NDST4: variants seen among roughly 807,000 people sequenced by gnomAD.
The protein encoded by NDST4 is N-heparan sulfate sulfotransferase 4.
A neutral mutation model predicts 100.8 loss-of-function variants in NDST4; 63 were observed. That is an observed-to-expected ratio of 0.62 (90% confidence interval 0.51 to 0.77). The LOEUF (loss-of-function observed/expected upper bound fraction) is 0.77, where lower values mean the gene tolerates loss of function less well. Ranked by LOEUF, NDST4 falls within the 30% of genes least tolerant of loss-of-function variation. NDST4 has a pLI of 0.00. For missense variants in NDST4, 943 were observed against 1,018.4 expected, an observed-to-expected ratio of 0.93 and a Z score of 1.01; for synonymous variants, 377 against 361.8, an observed-to-expected ratio of 1.04 and a Z score of -0.48.
At chr4:114,956,782 C>A (rs1351541180) in intron 4 of NDST4, among the ~76,000 whole-genome samples, 1 of 151,986 alleles carries the variant, frequency 6.6e-6, no homozygotes, top group Non-Finnish European at 1.5e-5. Flanking sequence ...TCCAGCCATT[C>A]CATTTAAAAA....
chr4:115,087,209 A>C lies in NDST4; in HGVS notation c.-246-9927T>G, dbSNP rs1028049288. ...TCTGTCTCATTTTGTATAGATTTGG[A>C]GGTAATATTTACAATGGGACATTTA... On this transcript the variant is annotated intron_variant, in intron 1 of 13. Coordinates refer to ENST00000264363, the MANE Select transcript of NDST4 (RefSeq NM_022569.3). 2.7e-5 allele frequency among the ~76,000 whole-genome samples: 4 copies of C among 150,654 alleles called. No individual in the cohort carries two copies. The South Asian group carries it at 8.3e-4, about 31-fold the overall frequency.
At chr4:114,988,963 A>C (rs1207442779) in intron 2 of NDST4, among the ~76,000 whole-genome samples, 1 of 152,204 alleles carries the variant, frequency 6.6e-6, no homozygotes, top group Non-Finnish European at 1.5e-5. Context: ...TTTACTTGGC[A>C]GATAAATCTT....
chr4:115,027,971 T>C (rs1009857445), intron 2 of NDST4, among the ~76,000 whole-genome samples: 2 of 151,930 alleles, frequency 1.3e-5, no homozygotes, highest in Non-Finnish European at 2.9e-5. Flanking sequence ...GAGAATCTCT[T>C]GAACCCAGCA....
intron 6 of NDST4, among the ~76,000 whole-genome samples, chr4:114,918,291 C>A (rs1725216406): frequency 6.7e-6 from 1 of 150,036 alleles, no homozygotes; most frequent in Non-Finnish European, 1.5e-5. Context: ...AAGGAGCAAT[C>A]ATGTACTGTG....
At chr4:114,860,754 G>A (rs1439943425) in intron 7 of NDST4, among the ~76,000 whole-genome samples, 1 of 152,192 alleles carries the variant, frequency 6.6e-6, no homozygotes, top group African/African-American at 2.4e-5. Flanking sequence ...CATAATTACA[G>A]CAACATCACC....
chr4:114,913,732 A>T (rs1009622245), intron 6 of NDST4, among the ~76,000 whole-genome samples: 6 of 21,136 alleles, frequency 2.8e-4, no homozygotes, highest in Admixed American at 8.1e-4. Flanking sequence ...TATCTCCAAG[A>T]AAAAAAAAAA....
rs538265522 is a variant in NDST4 at position 114,939,405 on chromosome 4, A to T, written c.1222-1902T>A. ...AAGTGATTCATACTGAGGTTTTATA[A>T]GGCTTGTCCCACAATGTGAAAAGTG... On this transcript the variant is annotated intron_variant, in intron 4 of 13. Coordinates refer to ENST00000264363, the MANE Select transcript of NDST4 (RefSeq NM_022569.3). Among the ~76,000 whole-genome samples the T allele has an allele frequency of 1.2e-3, 188 of 152,268 alleles. 1 individual carries two copies. Among genetic ancestry groups the T allele is most frequent in the South Asian group, 0.01 (49 of 4,828 alleles).
chr4:114,933,167 A>G (rs548264700), intron 6 of NDST4, among the ~76,000 whole-genome samples: 2 of 152,236 alleles, frequency 1.3e-5, no homozygotes, highest in Admixed American at 6.5e-5. Flanking sequence ...AAATAAATCT[A>G]TGCACTTACA....
intron 6 of NDST4, among the ~76,000 whole-genome samples, chr4:114,892,016 T>C (rs1273004832): frequency 6.6e-6 from 1 of 152,146 alleles, no homozygotes. Context: ...GGCTGCACCA[T>C]ACACACTGTT....
chr4:115,015,399 A>G (rs1483622483), intron 2 of NDST4, among the ~76,000 whole-genome samples: 4 of 152,122 alleles, frequency 2.6e-5, no homozygotes, highest in African/African-American at 9.7e-5. Context: ...TCCAACTGGC[A>G]GAACTTCAAA....
intron 4 of NDST4, among the ~76,000 whole-genome samples, chr4:114,954,051 A>C (rs1276901244): frequency 1.8e-4 from 27 of 152,142 alleles, no homozygotes; most frequent in Non-Finnish European, 4.4e-5. Context: ...TACTGATCAC[A>C]AATTTCCAAT....
intron 3 of NDST4, 148 bp downstream of exon 3, chr4:114,977,039 T>C: frequency 1.7e-6 from 1 of 602,898 alleles, no homozygotes; most frequent in Middle Eastern, 3.3e-4. Context: ...GTAAATATGC[T>C]CATTGATTTT....
chr4:114,881,810 T>C (rs1724375942), intron 6 of NDST4, among the ~76,000 whole-genome samples: 1 of 152,200 alleles, frequency 6.6e-6, no homozygotes, highest in South Asian at 2.1e-4. Flanking sequence ...AGCTTCAATC[T>C]TCTAAAATAG....
intron 1 of NDST4, among the ~76,000 whole-genome samples, chr4:115,102,671 G>A (rs13131643): frequency 0.77 from 112,635 of 145,708 alleles, 44,189 homozygotes; most frequent in African/African-American, 0.89. Flanking sequence ...ATTCACATCA[G>A]TGGTCATTTA....
intron 6 of NDST4, among the ~76,000 whole-genome samples, chr4:114,922,388 C>T (rs545405160): frequency 9.9e-5 from 15 of 152,204 alleles, no homozygotes; most frequent in South Asian, 2.1e-4. Flanking sequence ...AAATGTCGGC[C>T]GGCCACTGTG....
At chr4:114,917,112 A>G (rs1725190180) in intron 6 of NDST4, among the ~76,000 whole-genome samples, 2 of 152,246 alleles carry the variant, frequency 1.3e-5, no homozygotes, top group South Asian at 4.2e-4. Flanking sequence ...TAACCTATGC[A>G]TATCCTCCCA....
intron 1 of NDST4, among the ~76,000 whole-genome samples, chr4:115,079,408 A>T (rs1279628481): frequency 6.6e-6 from 1 of 151,746 alleles, no homozygotes. Flanking sequence ...TCACGAATGG[A>T]CATAATTTTC....
intron 2 of NDST4, among the ~76,000 whole-genome samples, chr4:115,037,085 A>G (rs1728248723): frequency 6.6e-6 from 1 of 152,050 alleles, no homozygotes; most frequent in Admixed American, 6.6e-5. Flanking sequence ...TCATGAAAAG[A>G]GGAACAGGAT....
intron 4 of NDST4, among the ~76,000 whole-genome samples, chr4:114,938,040 T>G (rs1725671403): frequency 6.6e-6 from 1 of 152,212 alleles, no homozygotes; most frequent in African/African-American, 2.4e-5. Context: ...AGATCTGCTC[T>G]GAGTTTTAAG....
Sources: gnomAD v4.1 joint callset for allele counts (sites outside exome capture counted in the v4.1 genomes callset) on GRCh38, gnomAD v4.1.1 for gene constraint, MANE v1.5 for transcripts, NCBI Gene and HGNC (gene_info 2026-07-23, HGNC 2026-07-21) for gene names.